FCN1: variants seen among roughly 807,000 people sequenced by gnomAD.
FCN1 encodes ficolin 1.
FCN1 carries 42 observed loss-of-function variants against 35.6 expected under a neutral mutation model. That is an observed-to-expected ratio of 1.18 (90% CI 0.92 to 1.53). The LOEUF (loss-of-function observed/expected upper bound fraction) is 1.53. FCN1 is among the 40% of genes most tolerant of loss of function. The probability of loss-of-function intolerance (pLI) is 0.00; values close to 1 mark genes in which losing one functional copy is unlikely to be tolerated. For synonymous variants in FCN1, 179 were observed against 169.8 expected (o/e 1.05, Z -0.42); for missense variants, 439 against 428.4 (o/e 1.02, Z -0.22).
At chr9:134,914,322 T>A in intron 4 of FCN1, 63 bp downstream of exon 4, 1 of 1,503,158 alleles carries the variant, frequency 6.7e-7, no homozygotes, top group Non-Finnish European at 9.3e-7. Flanking sequence ...GACTGAGGCC[T>A]CTGAGACCCC....
Position 134,916,480 on chromosome 9 carries a change from G to T in FCN1, c.104-19C>A, listed in dbSNP as rs1831093979. The T allele has an allele frequency of 2.5e-6, 4 of 1,608,850 alleles. No homozygotes were observed. The highest frequency in any genetic ancestry group is 3.4e-6 in the Non-Finnish European group (4 of 1,175,222). On this transcript the variant is annotated intron_variant, in intron 1 of 8. Transcript: ENST00000371806. ...TTCACCTCTGCAGAGAAACACAGGT[G>T]CCCACTCAGTGCCTGGCCCAACAGT...
Position 134,909,243 on chromosome 9 carries a change from G to A in FCN1, c.*555C>T, listed in dbSNP as rs1452353584. ...CCAAAGCATGAACTCTGCCGTGGTG[G>A]GAAGCAGAAAAGTTCCTACTAAACT... On this transcript the variant is annotated 3_prime_UTR_variant, in exon 9 of 9. Coordinates refer to ENST00000371806, the MANE Select transcript of FCN1 (RefSeq NM_002003.5). 3.1e-6 allele frequency: 4 copies of A among 1,289,622 alleles called. No individual in the cohort carries two copies. Among genetic ancestry groups the A allele is most frequent in the Non-Finnish European group, 4.0e-6 (4 of 988,874 alleles). 79.9% of individuals were successfully genotyped at this position (1,289,622 alleles called of 1,614,324 possible). A position where few individuals can be genotyped will look rare whatever the true frequency, so the allele number is the denominator to read the frequency against.
rs967586988 is a variant in FCN1 at position 134,907,926 on chromosome 9, G to A, written c.*1872C>T. The A allele has an allele frequency of 6.6e-6, 1 of 152,282 alleles. No individual in the cohort carries two copies. The highest frequency in any genetic ancestry group is 6.5e-5 in the Admixed American group (1 of 15,298). 9.4% of individuals were successfully genotyped at this position (152,282 alleles called of 1,614,324 possible). On this transcript the variant is annotated 3_prime_UTR_variant, in exon 9 of 9. Transcript: ENST00000371806. The stretch of plus-strand genomic sequence containing the variant: ...TAAAGATTCCTGGCCATGCTCCCTG[G>A]TACACATGACGGCCATATCCAGGCC...
chr9:134,913,828 C>T (rs1369462792), intron 4 of FCN1, among the ~76,000 whole-genome samples: 2 of 152,228 alleles, frequency 1.3e-5, no homozygotes, highest in Non-Finnish European at 2.9e-5. Flanking sequence ...TGCTGTGCAG[C>T]TTGAGCTTGG....
Position 134,909,355 on chromosome 9 carries a change from G to C in FCN1, c.*443C>G. 7.8e-7 allele frequency: 1 copy of C among 1,289,422 alleles called. No homozygotes were observed. Among genetic ancestry groups the C allele is most frequent in the Non-Finnish European group, 1.0e-6 (1 of 988,658 alleles). 79.9% of individuals were successfully genotyped at this position (1,289,422 alleles called of 1,614,324 possible). A position where few individuals can be genotyped will look rare whatever the true frequency, so the allele number is the denominator to read the frequency against. The stretch of plus-strand genomic sequence containing the variant: ...TGTTGTGAGTGAGGCATGGGGGGAT[G>C]GGGGAGGCTTGGGGGTGGAGGTGAG... On this transcript the variant is annotated 3_prime_UTR_variant, in exon 9 of 9. Coordinates refer to ENST00000371806, the MANE Select transcript of FCN1 (RefSeq NM_002003.5).
At position 134,909,195 on chromosome 9, in the gene FCN1, T is replaced by C. The variant is rs993797859; in HGVS notation, c.*603A>G. 3.9e-6 allele frequency: 5 copies of C among 1,289,126 alleles called. No individual in the cohort carries two copies. The highest frequency in any genetic ancestry group is 1.5e-5 in the African/African-American group (1 of 65,834). 79.9% of individuals were successfully genotyped at this position (1,289,126 alleles called of 1,614,324 possible). A position where few individuals can be genotyped will look rare whatever the true frequency, so the allele number is the denominator to read the frequency against. On this transcript the variant is annotated 3_prime_UTR_variant, in exon 9 of 9. Transcript: ENST00000371806. Reference sequence around the variant, plus strand: ...TCACTTAGTGAGTGCTAAGTGTTTATCTCTTCCCAGCAGCCAGCCAGCCCA... The same window carrying C: ...TCACTTAGTGAGTGCTAAGTGTTTACCTCTTCCCAGCAGCCAGCCAGCCCA...
At chr9:134,917,642 A>G in intron 1 of FCN1, 127 bp downstream of exon 1, 1 of 648,548 alleles carries the variant, frequency 1.5e-6, no homozygotes, top group South Asian at 1.7e-5. Flanking sequence ...TTGCCTGAGG[A>G]TAAAACAGAT....
In FCN1 at chr9:134,905,176, A is replaced by C. The variant is rs144511999; in HGVS notation, c.*4622T>G. ...TGAACAAGTTATAAGCTGATAGAGG[A>C]GGTGACGGGATAATAAAAATATTCA... On this transcript the variant is annotated 3_prime_UTR_variant, in exon 9 of 9. Coordinates refer to ENST00000371806, the MANE Select transcript of FCN1 (RefSeq NM_002003.5). Among the ~76,000 whole-genome samples the C allele has an allele frequency of 2.3e-3, 347 of 152,330 alleles. 1 individual carries two copies. Among genetic ancestry groups the C allele is most frequent in the African/African-American group, 7.9e-3 (327 of 41,570 alleles).
chr9:134,915,815 G>T (rs1458289371), intron 2 of FCN1, among the ~76,000 whole-genome samples: 1 of 152,188 alleles, frequency 6.6e-6, no homozygotes, highest in African/African-American at 2.4e-5. Flanking sequence ...CAAGGCAGGT[G>T]CCTGCTGTTC....
rs974175826 is a variant in FCN1, at chr9:134,907,306, C to T, written c.*2492G>A. 6.6e-6 allele frequency: 1 copy of T among 152,284 alleles called. No individual in the cohort carries two copies. Among genetic ancestry groups the T allele is most frequent in the Non-Finnish European group, 1.5e-5 (1 of 68,028 alleles). 9.4% of individuals were successfully genotyped at this position (152,284 alleles called of 1,614,324 possible). A position where few individuals can be genotyped will look rare whatever the true frequency, so the allele number is the denominator to read the frequency against. ...TCAGCCCCCAATGGGCTACAAGGACCTCTCCTTACAGGTATTGAGTCAAGA... is the reference window on the plus strand; with the variant it reads ...TCAGCCCCCAATGGGCTACAAGGACTTCTCCTTACAGGTATTGAGTCAAGA... On this transcript the variant is annotated 3_prime_UTR_variant, in exon 9 of 9. Transcript: ENST00000371806.
intron 3 of FCN1, 93 bp downstream of exon 3, chr9:134,914,663 G>C (rs145786367): frequency 7.3e-6 from 7 of 962,128 alleles, no homozygotes; most frequent in South Asian, 4.2e-5. Flanking sequence ...GTCTGTGTCT[G>C]TGTCTCTGTC....
chr9:134,916,395 G>A lies in FCN1; in HGVS notation c.170C>T (p.Pro57Leu). 1 of 1,614,060 alleles carries A rather than the reference G, an allele frequency of 6.2e-7. No homozygotes were observed. The highest frequency in any genetic ancestry group is 1.1e-5 in the South Asian group (1 of 91,082). ...LTILRGCPGL[P>L]GAPGPKGEAG... is the part of the protein sequence containing the mutation. ...CTCTCCCTTTGGCCCTGGGGCCCCG[G>A]GCAGCCCCGGGCAGCCTCGGAGAAT... Residue 57 changes from proline to leucine, a missense_variant, in exon 2 of 9, where the codon CCC (proline) becomes CTC (leucine). Coordinates refer to ENST00000371806, the MANE Select transcript of FCN1 (RefSeq NM_002003.5).
At chr9:134,916,325 C>G (rs1175829225) in intron 2 of FCN1, 23 bp downstream of exon 2, 1 of 1,579,896 alleles carries the variant, frequency 6.3e-7, no homozygotes, top group South Asian at 1.1e-5. Flanking sequence ...CATGCCTGGC[C>G]TCCCCACCCG....
intron 2 of FCN1, among the ~76,000 whole-genome samples, chr9:134,915,427 C>T (rs1831080600): frequency 6.6e-6 from 1 of 152,152 alleles, no homozygotes; most frequent in South Asian, 2.1e-4. Context: ...GGTATATTAG[C>T]CAGCCATGCC....
intron 2 of FCN1, among the ~76,000 whole-genome samples, chr9:134,915,562 C>A (rs116078375): frequency 5.3e-5 from 8 of 152,146 alleles, no homozygotes; most frequent in African/African-American, 1.7e-4. Context: ...GTCCAGCCTG[C>A]GGAGTGGGCA....
chr9:134,912,456 C>T, intron 7 of FCN1, 30 bp downstream of exon 7: 1 of 1,604,902 alleles, frequency 6.2e-7, no homozygotes, highest in Non-Finnish European at 8.5e-7. Context: ...TCAGGGCCCC[C>T]CAACCCCTGA....
In FCN1 at chr9:134,912,585, C is replaced by G. The variant is rs746790941; in HGVS notation, c.499G>C (p.Asp167His). 1 of 1,614,036 alleles carries G rather than the reference C, an allele frequency of 6.2e-7. No homozygotes were observed. Among genetic ancestry groups the G allele is most frequent in the Admixed American group, 1.7e-5 (1 of 60,002 alleles). ...VFQRRMDGSV[D>H]FYRDWAAYKQ... The stretch of plus-strand genomic sequence containing the variant: ...TATGCGGCCCAGTCCCGATAGAAGT[C>G]CACAGAGCCATCCATCCTCCGCTGG... Residue 167 changes from aspartate (D) to histidine (H), a missense_variant, in exon 7 of 9, where the codon GAC (aspartate) becomes CAC (histidine). Physicochemically the swap from Asp to His is moderately conservative, Grantham distance 81 (BLOSUM62 -1). Coordinates refer to ENST00000371806, the MANE Select transcript of FCN1 (RefSeq NM_002003.5).
At position 134,910,194 on chromosome 9, in the gene FCN1, TG is replaced by T. The variant is rs1420957079; in HGVS notation, c.734-150del. On this transcript the variant is annotated intron_variant, in intron 8 of 8. Coordinates refer to ENST00000371806, the MANE Select transcript of FCN1 (RefSeq NM_002003.5). ...GTGCACAAATGACCCACCCAGGCCTTGGAGGAAGGGGAAGCAGGAGGCAACC... is the reference window on the plus strand; with the variant it reads ...GTGCACAAATGACCCACCCAGGCCTTGAGGAAGGGGAAGCAGGAGGCAACC... 4.0e-6 allele frequency: 3 copies of T among 756,194 alleles called. No homozygotes were observed. In the Admixed American group the frequency reaches 6.4e-5, roughly 16 times the overall value. 46.8% of individuals were successfully genotyped at this position (756,194 alleles called of 1,614,324 possible).
chr9:134,912,934 C>G lies in FCN1; in HGVS notation c.468+82G>C, dbSNP rs1311609478. 1.9e-6 allele frequency: 3 copies of G among 1,551,138 alleles called. No individual in the cohort carries two copies. The East Asian group carries it at 7.1e-5, about 37-fold the overall frequency. ...TCCCCATCCAGGGGAATAGAGAATT[C>G]CAGAGTGTGTTCTACAACCAGGTGT... On this transcript the variant is annotated intron_variant, in intron 6 of 8. Coordinates refer to ENST00000371806, the MANE Select transcript of FCN1 (RefSeq NM_002003.5).
Sources: gnomAD v4.1 joint callset for allele counts (sites outside exome capture counted in the v4.1 genomes callset) on GRCh38, gnomAD v4.1.1 for gene constraint, MANE v1.5 for transcripts, NCBI Gene and HGNC (gene_info 2026-07-23, HGNC 2026-07-21) for gene names.